Variants in AGTPBP1 observed in about 807,000 individuals in gnomAD.
The protein encoded by AGTPBP1 is cytosolic carboxypeptidase 1.
A neutral mutation model predicts 143.9 loss-of-function variants in AGTPBP1; 70 were observed. The ratio of observed to expected loss-of-function variants is 0.49; its 90% confidence interval spans 0.40 to 0.59. AGTPBP1 has a LOEUF of 0.59. Ranked by LOEUF, AGTPBP1 falls within the 20% of genes least tolerant of loss-of-function variation. The pLI is 0.00. For synonymous variants in AGTPBP1, 463 were observed against 500.2 expected (o/e 0.93, Z 0.99); for missense variants, 1,229 against 1,464.5 (o/e 0.84, Z 2.62).
chr9:85,799,246 T>C, the AGTPBP1 span, among the ~76,000 whole-genome samples: 1 of 152,146 alleles, frequency 6.6e-6, no homozygotes, highest in Non-Finnish European at 1.5e-5. Flanking sequence ...GACACTTCGG[T>C]TGGTTCTAAG....
chr9:85,607,254 TAG>T (rs1484136926), intron 17 of AGTPBP1, among the ~76,000 whole-genome samples: 1 of 152,110 alleles, frequency 6.6e-6, no homozygotes, highest in African/African-American at 2.4e-5. Flanking sequence ...AATAGCACTT[TAG>T]ATTTGTCTCA....
intron 17 of AGTPBP1, among the ~76,000 whole-genome samples, chr9:85,604,403 T>C (rs1829868411): frequency 6.6e-6 from 1 of 152,152 alleles, no homozygotes; most frequent in South Asian, 2.1e-4. Flanking sequence ...AGTCACAGTG[T>C]TACCAGGCTT....
intron 10 of AGTPBP1, among the ~76,000 whole-genome samples, chr9:85,656,416 A>G (rs1348430362): frequency 6.6e-6 from 1 of 152,210 alleles, no homozygotes; most frequent in Non-Finnish European, 1.5e-5. Flanking sequence ...AATAGTAAAA[A>G]CAAGTACATA....
intron 14 of AGTPBP1, among the ~76,000 whole-genome samples, chr9:85,629,658 T>C (rs1055629599): frequency 1.3e-5 from 2 of 152,248 alleles, no homozygotes; most frequent in African/African-American, 4.8e-5. Flanking sequence ...TCATCATGCA[T>C]TTAACTATAA....
Position 85,632,864 on chromosome 9 carries a change from T to A in AGTPBP1, c.1813A>T (p.Thr605Ser). The change falls in exon 14 of 26, where the codon ACT becomes TCT. Residue 605 changes from threonine (T) to serine (S), a missense_variant. Thr to Ser is a moderately conservative substitution (Grantham distance 58). Around this residue, in one of 2 missense-constraint regions of AGTPBP1, gnomAD observed 743 missense variants for 812.2 expected, o/e 0.91. Transcript: ENST00000357081. ...TGTTCTACCGATGAATTTGACTCAGTATCTTCATCATCTTCAGTTTCAACT... is the reference window on the plus strand; with the variant it reads ...TGTTCTACCGATGAATTTGACTCAGAATCTTCATCATCTTCAGTTTCAACT... The part of the protein sequence containing the change: ...TGVETEDDED[T>S]ESNSSVEQAS... 1 of 1,614,186 alleles carries A rather than the reference T, an allele frequency of 6.2e-7. No individual in the cohort carries two copies. Among genetic ancestry groups the A allele is most frequent in the Admixed American group, 1.7e-5 (1 of 60,018 alleles).
the AGTPBP1 span, chr9:85,786,592 T>C: frequency 1.4e-5 from 23 of 1,606,460 alleles, no homozygotes; most frequent in Non-Finnish European, 7.6e-6. Flanking sequence ...CATTGAATAA[T>C]AGAACTTTTA....
chr9:85,554,676 G>C (rs916625453), intron 25 of AGTPBP1, among the ~76,000 whole-genome samples: 1 of 152,158 alleles, frequency 6.6e-6, no homozygotes, highest in African/African-American at 2.4e-5. Flanking sequence ...TAGAGCCTCT[G>C]AAGTTTTTAT....
In AGTPBP1 at chr9:85,721,968, T is replaced by C. The variant is rs185750957; in HGVS notation, c.-33-9402A>G. 5.9e-5 allele frequency among the ~76,000 whole-genome samples: 9 copies of C among 152,362 alleles called. No homozygotes were observed. In the East Asian group the frequency reaches 1.7e-3, roughly 29 times the overall value. ...AGATATGAAATTCTGGGTTGAAAAC[T>C]CTTTTCTTTAAGAATGTTGAATATT... On this transcript the variant is annotated intron_variant, in intron 1 of 25. Transcript: ENST00000357081.
intron 4 of AGTPBP1, among the ~76,000 whole-genome samples, 180 bp from the exon 5 acceptor site, chr9:85,678,578 A>C (rs1834978236): frequency 6.6e-6 from 1 of 152,232 alleles, no homozygotes; most frequent in Non-Finnish European, 1.5e-5. Context: ...GAATTTTTAC[A>C]AATCATTTTG....
At position 85,630,391 on chromosome 9, in the gene AGTPBP1, C is replaced by CTTATTTATTTAT. The variant is rs201466007; in HGVS notation, c.2015+2270_2015+2271insATAAATAAATAA. On this transcript the variant is annotated intron_variant, in intron 14 of 25. Transcript: ENST00000357081. Reference sequence around the variant, plus strand: ...CAGGATTGACTTACTTACTTACTTACTTATTTATTTAGTTATTTATTTATT... The same window carrying CTTATTTATTTAT: ...CAGGATTGACTTACTTACTTACTTACTTATTTATTTATTTATTTATTTAGTTATTTATTTATT... 1.1e-3 allele frequency among the ~76,000 whole-genome samples: 164 copies of CTTATTTATTTAT among 151,486 alleles called. 2 individuals carry two copies. The highest frequency in any genetic ancestry group is 3.8e-3 in the African/African-American group (156 of 41,018).
Position 85,646,403 on chromosome 9 carries a change from TCTA to T in AGTPBP1, c.1100_1102del (p.Val367del). On this transcript the variant is annotated inframe_deletion, in exon 12 of 26. Coordinates refer to ENST00000357081, the MANE Select transcript of AGTPBP1 (RefSeq NM_001330701.2). Reference sequence around the variant, plus strand: ...AATATCATCGTTGTCATCACTTTCATCTACTACGTCATCCACTATGATACAAAA... The same window carrying T: ...AATATCATCGTTGTCATCACTTTCATCTACGTCATCCACTATGATACAAAA... 1 of 1,612,842 alleles carries T rather than the reference TCTA, an allele frequency of 6.2e-7. No homozygotes were observed. Among genetic ancestry groups the T allele is most frequent in the Non-Finnish European group, 8.5e-7 (1 of 1,179,616 alleles).
chr9:85,624,432 A>G (rs1267427986), intron 14 of AGTPBP1, among the ~76,000 whole-genome samples: 1 of 152,212 alleles, frequency 6.6e-6, no homozygotes, highest in East Asian at 1.9e-4. Flanking sequence ...CTATAGTATT[A>G]AATGGCACAC....
At chr9:85,766,401 C>T in the AGTPBP1 span, among the ~76,000 whole-genome samples, 3 of 152,032 alleles carry the variant, frequency 2.0e-5, no homozygotes, top group Non-Finnish European at 4.4e-5. Context: ...GAAAGAAGTC[C>T]GTTTTAGACA....
rs575530052 is a variant in AGTPBP1, at chr9:85,712,516, C to A, written c.18G>T (p.Val6=). ...AATTACAGTACCTTTTTTCTGGTATCACTTTTAACTTGCTCATCTTGAGTT... is the reference window on the plus strand; with the variant it reads ...AATTACAGTACCTTTTTTCTGGTATAACTTTTAACTTGCTCATCTTGAGTT... MSKLK[V]IPEKSLTNNS... Residue 6 remains valine (V), a synonymous_variant, in exon 2 of 26, where the codon GTG becomes GTT. Coordinates refer to ENST00000357081, the MANE Select transcript of AGTPBP1 (RefSeq NM_001330701.2). 164 of 1,499,518 alleles carry A rather than the reference C, an allele frequency of 1.1e-4. 2 individuals carry two copies. In the South Asian group the frequency reaches 2.0e-3, roughly 18 times the overall value. 92.9% of individuals were successfully genotyped at this position (1,499,518 alleles called of 1,614,324 possible).
At chr9:85,556,025 T>A (rs905110629) in intron 25 of AGTPBP1, among the ~76,000 whole-genome samples, 1 of 152,090 alleles carries the variant, frequency 6.6e-6, no homozygotes, top group Non-Finnish European at 1.5e-5. Flanking sequence ...AAAAAATAAC[T>A]ATTGGGAACT....
At chr9:85,549,230 T>C (rs1340218186) in intron 25 of AGTPBP1, among the ~76,000 whole-genome samples, 2 of 152,180 alleles carry the variant, frequency 1.3e-5, no homozygotes, top group African/African-American at 4.8e-5. Context: ...AAGAGACAGA[T>C]ACTAAAAAGT....
chr9:85,579,967 C>T (rs1007884061), intron 23 of AGTPBP1, among the ~76,000 whole-genome samples: 4 of 151,578 alleles, frequency 2.6e-5, no homozygotes, highest in Non-Finnish European at 5.9e-5. Context: ...CAGAATGGGT[C>T]GGGCTCACAC....
chr9:85,657,457 T>G lies in AGTPBP1; in HGVS notation c.887A>C (p.Lys296Thr). The G allele has an allele frequency of 6.2e-7, 1 of 1,613,302 alleles. No homozygotes were observed. The highest frequency in any genetic ancestry group is 1.1e-5 in the South Asian group (1 of 91,046). ...CACTTGCGAAGTATTATACAGAATT[T>G]TCATCCCATTGGCATCAATAAATGC... ...RKAFIDANGMKILYNTSQECL... is the reference protein window; with the variant it reads ...RKAFIDANGMTILYNTSQECL... The change falls in exon 10 of 26, where the codon AAA (lysine) becomes ACA (threonine). Residue 296 changes from lysine (K) to threonine (T), a missense_variant. Around this residue, in one of 2 missense-constraint regions of AGTPBP1, gnomAD observed 743 missense variants for 812.2 expected, o/e 0.91. Coordinates refer to ENST00000357081, the MANE Select transcript of AGTPBP1 (RefSeq NM_001330701.2).
intron 14 of AGTPBP1, among the ~76,000 whole-genome samples, chr9:85,623,905 C>G (rs1407950547): frequency 3.9e-5 from 6 of 152,174 alleles, no homozygotes; most frequent in Non-Finnish European, 8.8e-5. Context: ...AACAAATAGT[C>G]TAGGTACTCT....
Sources: allele counts gnomAD v4.1 joint callset (sites outside exome capture counted in the v4.1 genomes callset), GRCh38; gene constraint gnomAD v4.1.1; regional missense constraint gnomAD v4.1.1; transcripts MANE v1.5; gene names NCBI Gene and HGNC (gene_info 2026-07-23, HGNC 2026-07-21).